The following CRYBG1 variants were observed in gnomAD, a reference collection of about 807,000 sequenced individuals.
CRYBG1 encodes the protein crystallin beta-gamma domain containing 1.
A neutral mutation model predicts 189.2 loss-of-function variants in CRYBG1; 139 were observed. That is an observed-to-expected ratio of 0.73 (90% CI 0.64 to 0.85). The LOEUF is 0.85. Ranked by LOEUF, CRYBG1 falls within the 40% of genes least tolerant of loss-of-function variation. The pLI, the probability that CRYBG1 is intolerant of heterozygous loss-of-function variation, is 0.00. For missense variants in CRYBG1, 2,611 were observed against 2,675.8 expected, an observed-to-expected ratio of 0.98 and a Z score of 0.53; for synonymous variants, 1,023 against 1,017.1, an observed-to-expected ratio of 1.01 and a Z score of -0.11.
chr6:106,564,163 G>A (rs75615824), intron 21 of CRYBG1, among the ~76,000 whole-genome samples: 8,746 of 151,908 alleles, frequency 0.058, 452 homozygotes, highest in East Asian at 0.2. Context: ...CAGTTTTACA[G>A]ACAAAACAAC....
chr6:106,490,147 T>C (rs1243388712), intron 2 of CRYBG1, among the ~76,000 whole-genome samples: 1 of 152,220 alleles, frequency 6.6e-6, no homozygotes, highest in Non-Finnish European at 1.5e-5. Flanking sequence ...GTGAAATATA[T>C]CTACAAAGCT....
rs1347885031 is a variant in CRYBG1, at chr6:106,483,378, G to GTGTGTGTA, written c.313-28051_313-28050insGTGTGTAT. ...CCATTGTGTGTGTGTGTGTGTGTGT[G>GTGTGTGTA]TATATATATATAGATATATATATAA... On this transcript the variant is annotated intron_variant, in intron 2 of 21. Transcript: ENST00000633556. Among the ~76,000 whole-genome samples, 152 of 113,788 alleles carry GTGTGTGTA rather than the reference G, an allele frequency of 1.3e-3. 1 individual carries two copies. Among genetic ancestry groups the GTGTGTGTA allele is most frequent in the East Asian group, 9.7e-3 (29 of 2,986 alleles). 74.6% of individuals were successfully genotyped at this position (113,788 alleles called of 152,430 possible). A position where few individuals can be genotyped will look rare whatever the true frequency, so the allele number is the denominator to read the frequency against.
intron 2 of CRYBG1, among the ~76,000 whole-genome samples, chr6:106,461,095 TTG>T (rs1235471257): frequency 8.3e-3 from 1 of 120 alleles, no homozygotes; most frequent in East Asian, 0.17. Context: ...TTTGATCCCT[TTG>T]GTTAAAGTAA....
chr6:106,483,872 T>C (rs1772532077), intron 2 of CRYBG1, among the ~76,000 whole-genome samples: 1 of 152,198 alleles, frequency 6.6e-6, no homozygotes, highest in Admixed American at 6.5e-5. Context: ...GTGATTTGTT[T>C]ATTGGTTGTT....
At chr6:106,516,732 A>G (rs1040536774) in intron 3 of CRYBG1, among the ~76,000 whole-genome samples, 2 of 152,244 alleles carry the variant, frequency 1.3e-5, no homozygotes, top group African/African-American at 4.8e-5. Context: ...GTCCAAGCCT[A>G]TCTGGGGAAC....
intron 1 of CRYBG1, among the ~76,000 whole-genome samples, chr6:106,432,587 G>A (rs1054303826): frequency 6.6e-6 from 1 of 152,184 alleles, no homozygotes; most frequent in Admixed American, 6.5e-5. Context: ...AGTTAAGGGT[G>A]CAAATCTCTA....
Position 106,462,377 on chromosome 6 carries a change from T to G in CRYBG1, c.312+10545T>G, listed in dbSNP as rs889370022. On this transcript the variant is annotated intron_variant, in intron 2 of 21. Transcript: ENST00000633556. ...AGTAGAGACAGGGTTTACGCCGTGG[T>G]CTCGATCTCCTGACCTCGTGATCCG... Among the ~76,000 whole-genome samples, 15 of 152,120 alleles carry G rather than the reference T, an allele frequency of 9.9e-5. 1 individual carries two copies. Among genetic ancestry groups the G allele is most frequent in the African/African-American group, 3.6e-4 (15 of 41,444 alleles).
At chr6:106,386,955 G>T (rs752005995) in intron 1 of CRYBG1, among the ~76,000 whole-genome samples, 5 of 152,158 alleles carry the variant, frequency 3.3e-5, no homozygotes, top group Admixed American at 3.3e-4. Context: ...ATTGCTTAAA[G>T]TAAAATTGAG....
chr6:106,549,610 A>G (rs1774352058), intron 13 of CRYBG1, among the ~76,000 whole-genome samples: 1 of 151,670 alleles, frequency 6.6e-6, no homozygotes, highest in African/African-American at 2.4e-5. Context: ...AATAAAAAAG[A>G]ACAGGTTTTA....
chr6:106,499,351 G>A (rs1321996383), intron 2 of CRYBG1, among the ~76,000 whole-genome samples: 1 of 146,616 alleles, frequency 6.8e-6, no homozygotes, highest in Non-Finnish European at 1.5e-5. Context: ...GTAGAGATGA[G>A]GTTTCACCAT....
At chr6:106,450,032 C>G (rs1771747766) in intron 1 of CRYBG1, among the ~76,000 whole-genome samples, 1 of 150,826 alleles carries the variant, frequency 6.6e-6, no homozygotes, top group Non-Finnish European at 1.5e-5. Context: ...CGAGATTAGC[C>G]TGGCTAACAT....
rs376203667 is a variant in CRYBG1, at chr6:106,400,441, G to A, written c.173+39360G>A. On this transcript the variant is annotated intron_variant, in intron 1 of 21. Transcript: ENST00000633556. The stretch of plus-strand genomic sequence containing the variant: ...CTTCATCTTTTCTTTTACTTTATTG[G>A]ATCTTAGCAATGGATGAAGAAAATA... 3.4e-3 allele frequency among the ~76,000 whole-genome samples: 512 copies of A among 151,998 alleles called. 7 individuals are homozygous for A. The highest frequency in any genetic ancestry group is 0.016 in the South Asian group (78 of 4,816).
At chr6:106,553,635 A>C (rs1344901286) in intron 16 of CRYBG1, 68 bp downstream of exon 16, 1 of 1,048,962 alleles carries the variant, frequency 9.5e-7, no homozygotes, top group East Asian at 2.4e-5. Flanking sequence ...ATCAGCAAGT[A>C]TATAGTGATG....
At chr6:106,550,540 A>G (rs1038909399) in intron 13 of CRYBG1, among the ~76,000 whole-genome samples, 1 of 126,556 alleles carries the variant, frequency 7.9e-6, no homozygotes, top group Non-Finnish European at 1.8e-5. Context: ...ATCACTTAAA[A>G]GAGAAAAAAA....
chr6:106,480,672 GAA>G (rs144085216), intron 2 of CRYBG1, among the ~76,000 whole-genome samples: 38 of 138,048 alleles, frequency 2.8e-4, no homozygotes, highest in African/African-American at 9.1e-4. Flanking sequence ...ATCTCAAAAA[GAA>G]AAAAAAAAAT....
At position 106,523,415 on chromosome 6, in the gene CRYBG1, G is replaced by A. The variant is rs73520812; in HGVS notation, c.4246-1718G>A. On this transcript the variant is annotated intron_variant, in intron 4 of 21. Transcript: ENST00000633556. ...TGTTCTTTTTAATTGTTCTTAGATC[G>A]CTTTCCTTATTTAACTACAGTCTGA... Among the ~76,000 whole-genome samples the A allele has an allele frequency of 2.8e-3, 428 of 152,010 alleles. 4 individuals carry two copies. Among genetic ancestry groups the A allele is most frequent in the African/African-American group, 0.01 (417 of 41,468 alleles).
chr6:106,430,149 A>T (rs1771298569), intron 1 of CRYBG1, among the ~76,000 whole-genome samples: 1 of 152,150 alleles, frequency 6.6e-6, no homozygotes, highest in African/African-American at 2.4e-5. Flanking sequence ...TTGATTTTAG[A>T]CTGGGCATGG....
At chr6:106,561,061 A>G (rs1026881891) in intron 19 of CRYBG1, 135 bp downstream of exon 19, 4 of 1,044,306 alleles carry the variant, frequency 3.8e-6, no homozygotes, top group Non-Finnish European at 5.4e-6. Flanking sequence ...CCCTGCCCCA[A>G]TAATCTGGGC....
At chr6:106,399,325 T>C (rs1396976118) in intron 1 of CRYBG1, among the ~76,000 whole-genome samples, 1 of 152,256 alleles carries the variant, frequency 6.6e-6, no homozygotes. Context: ...TTTAATCATA[T>C]AAGTTATCAT....
Sources: allele counts gnomAD v4.1 joint callset (sites outside exome capture counted in the v4.1 genomes callset), GRCh38; gene constraint gnomAD v4.1.1; transcripts MANE v1.5; gene names NCBI Gene and HGNC (gene_info 2026-07-23, HGNC 2026-07-21).